Variants in SHQ1 observed in about 807,000 individuals in gnomAD.
The protein encoded by SHQ1 is protein SHQ1 homolog.
In SHQ1, 49 loss-of-function variants were observed where a neutral mutation model predicts 53.8. The ratio of observed to expected loss-of-function variants is 0.91; its 90% CI spans 0.72 to 1.16. SHQ1 has a LOEUF of 1.16. Among genes scored for constraint, SHQ1 ranks in the 50% most tolerant of loss-of-function variants. The pLI is 0.00. For missense variants in SHQ1, 738 were observed against 683.1 expected (o/e 1.08, Z -0.90); for synonymous variants, 243 against 251.0 (o/e 0.97, Z 0.30).
At chr3:72,730,474 T>C in the SHQ1 span, among the ~76,000 whole-genome samples, 1 of 152,160 alleles carries the variant, frequency 6.6e-6, no homozygotes, top group South Asian at 2.1e-4. Flanking sequence ...ACTGGATACT[T>C]GATATATAAT....
chr3:72,745,310 TAGGG>T (rs1364978726), downstream of SHQ1, among the ~76,000 whole-genome samples: 1 of 152,138 alleles, frequency 6.6e-6, no homozygotes, highest in African/African-American at 2.4e-5. Flanking sequence ...TAGAATGTGG[TAGGG>T]AGCACTCTTG....
At chr3:72,809,281 A>T (rs190212668) in intron 9 of SHQ1, among the ~76,000 whole-genome samples, 1 of 152,220 alleles carries the variant, frequency 6.6e-6, no homozygotes, top group Non-Finnish European at 1.5e-5. Context: ...AATGAAGTTC[A>T]AAGTGGACAT....
intron 3 of SHQ1, among the ~76,000 whole-genome samples, chr3:72,841,406 G>C (rs918178244): frequency 6.7e-6 from 1 of 149,874 alleles, no homozygotes; most frequent in South Asian, 2.1e-4. Flanking sequence ...GAATATTACA[G>C]AGCAATGAAA....
chr3:72,828,005 C>T (rs1350451699), intron 5 of SHQ1, among the ~76,000 whole-genome samples: 1 of 152,126 alleles, frequency 6.6e-6, no homozygotes, highest in African/African-American at 2.4e-5. Flanking sequence ...CCCACCCCCT[C>T]AGCCTCCCAA....
At chr3:72,760,654 C>A (rs1430151780) in intron 10 of SHQ1, among the ~76,000 whole-genome samples, 1 of 152,184 alleles carries the variant, frequency 6.6e-6, no homozygotes, top group Non-Finnish European at 1.5e-5. Flanking sequence ...CTTTCAACTG[C>A]TTACAGGGTA....
At chr3:72,774,155 T>G (rs746673362) in intron 10 of SHQ1, among the ~76,000 whole-genome samples, 21 of 152,270 alleles carry the variant, frequency 1.4e-4, no homozygotes, top group Middle Eastern at 3.4e-3. Context: ...AATTATAAAC[T>G]AATAACACCA....
chr3:72,797,057 A>T lies in SHQ1; in HGVS notation c.1061-4021T>A, dbSNP rs966428009. 1.4e-4 allele frequency among the ~76,000 whole-genome samples: 21 copies of T among 152,156 alleles called. 1 individual carries two copies. The highest frequency in any genetic ancestry group is 5.1e-4 in the African/African-American group (21 of 41,542). ...CAGATCACCTGAAGTCAGGAGTTCA[A>T]GACCAGCCTGGCCAACATGGTGAAA... On this transcript the variant is annotated intron_variant, in intron 9 of 10. Transcript: ENST00000325599.
chr3:72,740,271 G>A, the SHQ1 span, among the ~76,000 whole-genome samples: 1 of 152,308 alleles, frequency 6.6e-6, no homozygotes, highest in East Asian at 1.9e-4. Context: ...TGAATCTGAG[G>A]ACATTTGCTG....
At chr3:72,824,269 G>C (rs1450799327) in intron 6 of SHQ1, among the ~76,000 whole-genome samples, 155 bp downstream of exon 6, 2 of 151,644 alleles carry the variant, frequency 1.3e-5, no homozygotes, top group African/African-American at 2.4e-5. Flanking sequence ...TTCCAGTCAG[G>C]GGCAAAGAAG....
chr3:72,769,676 T>C (rs1169711337), intron 10 of SHQ1, among the ~76,000 whole-genome samples: 1 of 152,208 alleles, frequency 6.6e-6, no homozygotes, highest in East Asian at 1.9e-4. Flanking sequence ...CTATGTCTCT[T>C]GCAACGGGGC....
At position 72,751,497 on chromosome 3, in the gene SHQ1, TGTGTGTG is replaced by T. The variant is rs1440216097; in HGVS notation, c.1182-668_1182-662del. Among the ~76,000 whole-genome samples, 20 of 111,418 alleles carry T rather than the reference TGTGTGTG, an allele frequency of 1.8e-4. 1 individual carries two copies. The highest frequency in any genetic ancestry group is 6.7e-4 in the African/African-American group (15 of 22,264). The allele number at this position is 111,418 out of a possible 152,430, so 73.1% of individuals were successfully genotyped here. ...ACATATGTGTGTGTGTGTGTGTGTG[TGTGTGTG>T]TGTGTATATATATATATATATATAT... On this transcript the variant is annotated intron_variant, in intron 10 of 10. Coordinates refer to ENST00000325599, the MANE Select transcript of SHQ1 (RefSeq NM_018130.3).
At chr3:72,788,887 G>C (rs912511142) in intron 10 of SHQ1, among the ~76,000 whole-genome samples, 2 of 151,878 alleles carry the variant, frequency 1.3e-5, no homozygotes, top group Admixed American at 1.3e-4. Flanking sequence ...CAGCATACTC[G>C]TTAAGAGTCA....
At chr3:72,760,626 T>C (rs1705587957) in intron 10 of SHQ1, among the ~76,000 whole-genome samples, 1 of 152,224 alleles carries the variant, frequency 6.6e-6, no homozygotes, top group Admixed American at 6.5e-5. Context: ...TAAAGGGCTC[T>C]TCTCTCTCAT....
rs528767795 is a variant in SHQ1, at chr3:72,778,663, G to C, written c.1181+14253C>G. On this transcript the variant is annotated intron_variant, in intron 10 of 10. Coordinates refer to ENST00000325599, the MANE Select transcript of SHQ1 (RefSeq NM_018130.3). ...AAACATTCAAAAAACACATACAAAC[G>C]GCAAACCTCCATAGATAACTGAACC... Among the ~76,000 whole-genome samples the C allele has an allele frequency of 5.3e-5, 8 of 151,742 alleles. 1 individual carries two copies. The highest frequency in any genetic ancestry group is 1.9e-4 in the African/African-American group (8 of 41,376).
At chr3:72,820,108 T>C (rs1194817857) in intron 6 of SHQ1, among the ~76,000 whole-genome samples, 1 of 152,236 alleles carries the variant, frequency 6.6e-6, no homozygotes, top group African/African-American at 2.4e-5. Context: ...AAAGTAAGCA[T>C]GCCCAGAAAC....
intron 4 of SHQ1, among the ~76,000 whole-genome samples, chr3:72,837,991 C>CA (rs1362556787): frequency 6.6e-6 from 1 of 152,248 alleles, no homozygotes; most frequent in Non-Finnish European, 1.5e-5. Flanking sequence ...ACGCAGTGCT[C>CA]AGCACAGTGC....
intron 10 of SHQ1, among the ~76,000 whole-genome samples, chr3:72,778,467 A>G (rs995868063): frequency 1.3e-5 from 2 of 152,024 alleles, no homozygotes; most frequent in Admixed American, 1.3e-4. Flanking sequence ...AAAGAAAAGA[A>G]AAGAAAAGAA....
chr3:72,784,794 C>T (rs1447819036), intron 10 of SHQ1, among the ~76,000 whole-genome samples: 1 of 152,148 alleles, frequency 6.6e-6, no homozygotes, highest in Non-Finnish European at 1.5e-5. Context: ...TTAACAGATC[C>T]CCAAAATCAC....
At chr3:72,752,208 A>G (rs1429970015) in intron 10 of SHQ1, among the ~76,000 whole-genome samples, 2 of 152,242 alleles carry the variant, frequency 1.3e-5, no homozygotes, top group South Asian at 2.1e-4. Flanking sequence ...AAGGCTCACC[A>G]TATGTATATG....
Sources: gnomAD v4.1 joint callset for allele counts (sites outside exome capture counted in the v4.1 genomes callset) on GRCh38, gnomAD v4.1.1 for gene constraint, MANE v1.5 for transcripts, NCBI Gene and HGNC (gene_info 2026-07-23, HGNC 2026-07-21) for gene names.